The following XKR4 variants were observed in gnomAD, a reference collection of about 807,000 sequenced individuals.
XKR4 encodes XK related 4.
XKR4 carries 12 observed loss-of-function variants against 53.9 expected under a neutral mutation model. The ratio of observed to expected loss-of-function variants is 0.22; its 90% CI spans 0.14 to 0.36. The LOEUF (loss-of-function observed/expected upper bound fraction) is 0.36. XKR4 is among the 10% of genes least tolerant of loss of function. The pLI is 1.00. For missense variants in XKR4, 799 were observed against 859.5 expected, an observed-to-expected ratio of 0.93 and a Z score of 0.88; for synonymous variants, 354 against 362.4, an observed-to-expected ratio of 0.98 and a Z score of 0.26.
intron 1 of XKR4, among the ~76,000 whole-genome samples, chr8:55,341,938 A>T (rs1053659314): frequency 6.6e-6 from 1 of 152,066 alleles, no homozygotes; most frequent in Non-Finnish European, 1.5e-5. Flanking sequence ...GGGCAGTCTC[A>T]TCTTGTCTTA....
chr8:55,397,090 T>C (rs1398591734), intron 2 of XKR4, among the ~76,000 whole-genome samples: 1 of 152,222 alleles, frequency 6.6e-6, no homozygotes, highest in Non-Finnish European at 1.5e-5. Flanking sequence ...ACTGGCCTAA[T>C]TCTATGTCTG....
At chr8:55,449,550 G>C (rs936547881) in intron 2 of XKR4, 5 of 1,484,694 alleles carry the variant, frequency 3.4e-6, no homozygotes, top group Non-Finnish European at 4.7e-6. Flanking sequence ...TCCACCCACT[G>C]CTGGGCTGAG....
rs1198828255 is a variant in XKR4 at position 55,539,346 on chromosome 8, A to G, written c.*15119A>G. On this transcript the variant is annotated 3_prime_UTR_variant, in exon 3 of 3. Coordinates refer to ENST00000327381, the MANE Select transcript of XKR4 (RefSeq NM_052898.2). ...ATTCCATTGTGAAAAAAATGTGCAC[A>G]CTCTTAAAAACACAAAATGGGTTTC... is the stretch of plus-strand genomic sequence containing the variant. 6.6e-6 allele frequency: 1 copy of G among 152,110 alleles called. No individual in the cohort carries two copies. Among genetic ancestry groups the G allele is most frequent in the Non-Finnish European group, 1.5e-5 (1 of 68,010 alleles). The allele number at this position is 152,110 out of a possible 1,614,324, so 9.4% of individuals were successfully genotyped here.
intron 1 of XKR4, among the ~76,000 whole-genome samples, chr8:55,169,142 C>G (rs1174580979): frequency 6.6e-6 from 1 of 152,158 alleles, no homozygotes; most frequent in Non-Finnish European, 1.5e-5. Context: ...TGACATGATT[C>G]AATACTTTCA....
At chr8:55,390,476 G>C (rs1416976877) in intron 2 of XKR4, among the ~76,000 whole-genome samples, 1 of 152,130 alleles carries the variant, frequency 6.6e-6, no homozygotes, top group African/African-American at 2.4e-5. Flanking sequence ...TCAATTGATT[G>C]TTTTTCTCTA....
At chr8:55,257,094 C>T (rs1359725010) in intron 1 of XKR4, among the ~76,000 whole-genome samples, 7 of 152,114 alleles carry the variant, frequency 4.6e-5, no homozygotes, top group South Asian at 4.1e-4. Context: ...CATCACATTG[C>T]GTATTAGGTT....
At position 55,165,896 on chromosome 8, in the gene XKR4, T is replaced by G. The variant is rs549472261; in HGVS notation, c.806+62602T>G. Among the ~76,000 whole-genome samples the G allele has an allele frequency of 2.0e-5, 3 of 151,992 alleles. No homozygotes were observed. In the South Asian group the frequency reaches 6.3e-4, roughly 32 times the overall value. ...GGTTTATGGGAAAATAGGATGTCAA[T>G]GCTTATATATCCTGAGAAAAAGTAA... On this transcript the variant is annotated intron_variant, in intron 1 of 2. Coordinates refer to ENST00000327381, the MANE Select transcript of XKR4 (RefSeq NM_052898.2).
chr8:55,117,690 G>A (rs1585887349), intron 1 of XKR4, among the ~76,000 whole-genome samples: 1 of 152,252 alleles, frequency 6.6e-6, no homozygotes, highest in Non-Finnish European at 1.5e-5. Context: ...GCAAGTACCT[G>A]GGCTCACTTT....
intron 1 of XKR4, among the ~76,000 whole-genome samples, chr8:55,341,924 G>A: frequency 6.6e-6 from 1 of 152,190 alleles, no homozygotes; most frequent in East Asian, 1.9e-4. Context: ...GGCACTGTAA[G>A]TGAGGGCAGT....
intron 1 of XKR4, among the ~76,000 whole-genome samples, chr8:55,133,814 T>C (rs1025494332): frequency 1.3e-5 from 2 of 152,210 alleles, no homozygotes; most frequent in Non-Finnish European, 2.9e-5. Context: ...TTGCACTTAA[T>C]TTTATCTGAA....
rs142476167 is a variant in XKR4, at chr8:55,477,496, C to T, written c.1007-45785C>T. On this transcript the variant is annotated intron_variant, in intron 2 of 2. Coordinates refer to ENST00000327381, the MANE Select transcript of XKR4 (RefSeq NM_052898.2). Reference sequence around the variant, plus strand: ...AAACTGGAAACTCTAAAAAGCAGAGCGCCTCTCTTCCTCCAAAGGAATGCA... The same window carrying T: ...AAACTGGAAACTCTAAAAAGCAGAGTGCCTCTCTTCCTCCAAAGGAATGCA... Among the ~76,000 whole-genome samples, 1,488 of 152,188 alleles carry T rather than the reference C, an allele frequency of 9.8e-3. 34 individuals are homozygous for T. Among genetic ancestry groups the T allele is most frequent in the African/African-American group, 0.032 (1,343 of 41,476 alleles).
intron 1 of XKR4, among the ~76,000 whole-genome samples, chr8:55,148,189 T>A (rs145160931): frequency 1.8e-4 from 27 of 152,322 alleles, no homozygotes; most frequent in African/African-American, 6.0e-4. Flanking sequence ...CTTCCTTTTC[T>A]TAAAAATTAC....
In XKR4 at chr8:55,466,361, C is replaced by T. The variant is rs756763176; in HGVS notation, c.1007-56920C>T. 3.7e-3 allele frequency among the ~76,000 whole-genome samples: 565 copies of T among 152,088 alleles called. 5 individuals carry two copies. Among genetic ancestry groups the T allele is most frequent in the Middle Eastern group, 6.8e-3 (2 of 294 alleles). On this transcript the variant is annotated intron_variant, in intron 2 of 2. Transcript: ENST00000327381. ...GGACATGGATGAAGCTGGAAACCATCATTCTCAGCAAACTATTGCAAGGAC... is the reference window on the plus strand; with the variant it reads ...GGACATGGATGAAGCTGGAAACCATTATTCTCAGCAAACTATTGCAAGGAC...
chr8:55,203,193 C>T (rs1022672973), intron 1 of XKR4, among the ~76,000 whole-genome samples: 1 of 143,456 alleles, frequency 7.0e-6, no homozygotes, highest in Non-Finnish European at 1.5e-5. Context: ...AGCACTGGCC[C>T]GCCAAGCACG....
chr8:55,204,701 G>GTTTT (rs975182639), intron 1 of XKR4, among the ~76,000 whole-genome samples: 2 of 152,058 alleles, frequency 1.3e-5, no homozygotes, highest in African/African-American at 4.8e-5. Context: ...GTTAAGGAAG[G>GTTTT]GAAAATTCTT....
At chr8:55,296,214 T>TGG (rs1245165701) in intron 1 of XKR4, among the ~76,000 whole-genome samples, 2 of 151,890 alleles carry the variant, frequency 1.3e-5, no homozygotes, top group African/African-American at 4.8e-5. Context: ...GAGGGAGAGG[T>TGG]GGGGGCATAT....
At chr8:55,117,840 A>G (rs967410550) in intron 1 of XKR4, among the ~76,000 whole-genome samples, 1 of 152,198 alleles carries the variant, frequency 6.6e-6, no homozygotes, top group East Asian at 1.9e-4. Flanking sequence ...TTACCATAAT[A>G]TCAATGAGAA....
intron 2 of XKR4, among the ~76,000 whole-genome samples, chr8:55,456,223 G>C (rs1031715696): frequency 6.6e-6 from 1 of 152,102 alleles, no homozygotes; most frequent in Non-Finnish European, 1.5e-5. Context: ...CCTGAGGTAG[G>C]GATTTCGAGA....
rs567236493 is a variant in XKR4 at position 55,234,026 on chromosome 8, C to T, written c.807-123652C>T. Among the ~76,000 whole-genome samples the T allele has an allele frequency of 8.5e-5, 13 of 152,262 alleles. No individual in the cohort carries two copies. The South Asian group carries it at 2.7e-3, about 32-fold the overall frequency. ...TCAGTACCAAAGCCAATACCATTAT[C>T]GATTCCCTGAAGTCCGAATTAATAG... On this transcript the variant is annotated intron_variant, in intron 1 of 2. Coordinates refer to ENST00000327381, the MANE Select transcript of XKR4 (RefSeq NM_052898.2).
Sources: gnomAD v4.1 joint callset for allele counts (sites outside exome capture counted in the v4.1 genomes callset) on GRCh38, gnomAD v4.1.1 for gene constraint, MANE v1.5 for transcripts, NCBI Gene and HGNC (gene_info 2026-07-23, HGNC 2026-07-21) for gene names.